The following ORC1 variants were observed in gnomAD, a reference collection of about 807,000 sequenced individuals.
ORC1 encodes origin recognition complex subunit 1.
A neutral mutation model predicts 98.9 loss-of-function variants in ORC1; 61 were observed. That is an observed-to-expected ratio of 0.62 (90% CI 0.50 to 0.76). ORC1 has a LOEUF of 0.76. ORC1 is among the 30% of genes least tolerant of loss of function. The pLI, the probability that ORC1 is intolerant of heterozygous loss-of-function variation, is 0.00. For synonymous variants in ORC1, 385 were observed against 406.9 expected (o/e 0.95, Z 0.65); for missense variants, 979 against 1,072.2 (o/e 0.91, Z 1.21).
At chr1:52,402,037 A>C in intron 2 of ORC1, 92 bp downstream of exon 2, 1 of 917,158 alleles carries the variant, frequency 1.1e-6, no homozygotes, top group East Asian at 2.5e-5. Context: ...ATTCATGGTC[A>C]ATCTGTAGTA....
chr1:52,401,327 C>T lies in ORC1; in HGVS notation c.223+35G>A, dbSNP rs760441255. The T allele has an allele frequency of 2.5e-6, 4 of 1,612,834 alleles. No individual in the cohort carries two copies. In the South Asian group the frequency reaches 3.3e-5, roughly 13 times the overall value. ...CTCCCCACCTCCCAATCATTCATGACAAGGAATGGTTTATTATTCCAGTCC... is the reference window on the plus strand; with the variant it reads ...CTCCCCACCTCCCAATCATTCATGATAAGGAATGGTTTATTATTCCAGTCC... On this transcript the variant is annotated intron_variant, in intron 3 of 16. Coordinates refer to ENST00000371568, the MANE Select transcript of ORC1 (RefSeq NM_004153.4).
In ORC1 at chr1:52,396,125, T is replaced by C. The variant is rs1382088306; in HGVS notation, c.642A>G (p.Ser214=). 15 of 1,614,162 alleles carry C rather than the reference T, an allele frequency of 9.3e-6. No individual in the cohort carries two copies. Among genetic ancestry groups the C allele is most frequent in the Non-Finnish European group, 1.3e-5 (15 of 1,180,040 alleles). The change falls in exon 5 of 17, where the codon TCA becomes TCG. Residue 214 remains serine, a synonymous_variant. Transcript: ENST00000371568. ...GGCGAGATTTGGAGGCGGAGTGCCT[T>C]GATTCAATCCTTTTGGCCACATGTT... ...PAEHVAKRIE[S]RHSASKSRQT...
chr1:52,407,079 G>A (rs971678104), upstream of ORC1, among the ~76,000 whole-genome samples: 4 of 152,140 alleles, frequency 2.6e-5, no homozygotes, highest in African/African-American at 9.7e-5. Flanking sequence ...GTGCAGTGGC[G>A]CAGTCTCGGC....
rs147105653 is a variant in ORC1, at chr1:52,397,833, C to G, written c.254G>C (p.Arg85Pro). 13 of 1,614,182 alleles carry G rather than the reference C, an allele frequency of 8.1e-6. No homozygotes were observed. The South Asian group carries it at 1.4e-4, about 18-fold the overall frequency. Residue 85 changes from arginine (R) to proline (P), a missense_variant, in exon 4 of 17, where the codon CGA becomes CCA. Physicochemically the swap from Arg to Pro is moderately radical, Grantham distance 103. Coordinates refer to ENST00000371568, the MANE Select transcript of ORC1 (RefSeq NM_004153.4). ...ACAGAATCGGACAAACCACTGTACT[C>G]GAGCACGTTTCTTAGGAGGAGGATC... ...DSDPPPKKRA[R>P]VQWFVRFCEV...
chr1:52,408,500 A>G, upstream of ORC1: 1 of 1,603,380 alleles, frequency 6.2e-7, no homozygotes, highest in Non-Finnish European at 8.5e-7. Flanking sequence ...TACTGTCATG[A>G]GAACAGCTAG....
At chr1:52,378,094 C>G (rs950798404) in intron 14 of ORC1, among the ~76,000 whole-genome samples, 1 of 152,202 alleles carries the variant, frequency 6.6e-6, no homozygotes, top group Admixed American at 6.5e-5. Flanking sequence ...CGCCTGTAAT[C>G]CCAGCACTTT....
intron 3 of ORC1, among the ~76,000 whole-genome samples, chr1:52,400,315 C>G (rs1009463441): frequency 6.6e-6 from 1 of 152,196 alleles, no homozygotes; most frequent in Admixed American, 6.5e-5. Context: ...ATACACTGGA[C>G]AAAGGGATGA....
chr1:52,378,157 T>C (rs1304648894), intron 14 of ORC1, among the ~76,000 whole-genome samples: 2 of 151,898 alleles, frequency 1.3e-5, no homozygotes, highest in Non-Finnish European at 2.9e-5. Context: ...CCATCCTGGC[T>C]AACATGGTGA....
At chr1:52,379,336 C>T (rs999648630) in intron 14 of ORC1, among the ~76,000 whole-genome samples, 1 of 151,118 alleles carries the variant, frequency 6.6e-6, no homozygotes, top group African/African-American at 2.4e-5. Flanking sequence ...CTCAGCCTCC[C>T]AGGTTCAAGC....
intron 14 of ORC1, among the ~76,000 whole-genome samples, chr1:52,376,948 C>T (rs1468946357): frequency 6.6e-6 from 1 of 152,158 alleles, no homozygotes; most frequent in African/African-American, 2.4e-5. Flanking sequence ...TCACGCAGAA[C>T]GGATGGCAGG....
At position 52,374,855 on chromosome 1, in the gene ORC1, G is replaced by A. The variant is rs142257783; in HGVS notation, c.2346C>T (p.Leu782=). ...CCAGTCCTGATCGACGGAACTCTGC[G>A]AGGATGGCTCTCAGGAAGCTCTGTT... is the stretch of plus-strand genomic sequence containing the variant. ...VLEQSFLRAI[L]AEFRRSGLEE... Residue 782 remains leucine, a synonymous_variant, in exon 16 of 17, where the codon CTC becomes CTT. Transcript: ENST00000371568. 85 of 1,613,928 alleles carry A rather than the reference G, an allele frequency of 5.3e-5. No homozygotes were observed. Among genetic ancestry groups the A allele is most frequent in the East Asian group, 2.9e-4 (13 of 44,886 alleles).
upstream of ORC1, chr1:52,408,501 G>C (rs550109035): frequency 6.2e-7 from 1 of 1,604,670 alleles, no homozygotes; most frequent in Admixed American, 1.7e-5. Flanking sequence ...ACTGTCATGA[G>C]AACAGCTAGT....
intron 14 of ORC1, among the ~76,000 whole-genome samples, chr1:52,376,498 T>C (rs1229525606): frequency 6.6e-6 from 1 of 151,148 alleles, no homozygotes; most frequent in African/African-American, 2.4e-5. Context: ...CTAGAGTCCA[T>C]CTAAAAAAAA....
chr1:52,388,711 G>A, intron 7 of ORC1, 74 bp from the exon 8 acceptor site: 1 of 1,347,184 alleles, frequency 7.4e-7, no homozygotes, highest in East Asian at 2.3e-5. Flanking sequence ...ACATTAGTGT[G>A]GATTACAAGT....
chr1:52,373,805 T>C (rs1362811045), intron 16 of ORC1, among the ~76,000 whole-genome samples: 1 of 152,170 alleles, frequency 6.6e-6, no homozygotes, highest in Non-Finnish European at 1.5e-5. Context: ...ACAAGGCCAC[T>C]TTCCTTATCA....
At chr1:52,406,568 C>T (rs1306608107), upstream of ORC1, among the ~76,000 whole-genome samples, 1 of 152,146 alleles carries the variant, frequency 6.6e-6, no homozygotes, top group Non-Finnish European at 1.5e-5. Flanking sequence ...CTTTGCTTAT[C>T]TGTAAAATGG....
intron 4 of ORC1, 85 bp downstream of exon 4, chr1:52,397,600 C>A: frequency 8.0e-7 from 1 of 1,244,898 alleles, no homozygotes; most frequent in Non-Finnish European, 1.2e-6. Context: ...GGTATTAGAG[C>A]CGGTAATATT....
chr1:52,380,513 T>A (rs1201130817), intron 14 of ORC1, among the ~76,000 whole-genome samples: 4 of 152,082 alleles, frequency 2.6e-5, no homozygotes, highest in Non-Finnish European at 5.9e-5. Context: ...CTGGCCAACA[T>A]GGCAAAACCC....
At chr1:52,385,129 C>G (rs778863077) in intron 10 of ORC1, 32 bp downstream of exon 10, 4 of 1,433,388 alleles carry the variant, frequency 2.8e-6, no homozygotes, top group African/African-American at 1.4e-5. Context: ...GCCTTATTCC[C>G]CAAACTACCC....
Sources: gnomAD v4.1 joint callset for allele counts (sites outside exome capture counted in the v4.1 genomes callset) on GRCh38, gnomAD v4.1.1 for gene constraint, MANE v1.5 for transcripts, NCBI Gene and HGNC (gene_info 2026-07-23, HGNC 2026-07-21) for gene names.